The following CPEB3 variants were observed in gnomAD, a reference collection of about 807,000 sequenced individuals.
The protein encoded by CPEB3 is cytoplasmic polyadenylation element binding protein 3.
CPEB3 carries 20 observed loss-of-function variants against 67.2 expected under a neutral mutation model. The observed-to-expected ratio is 0.30, with a 90% confidence interval of 0.21 to 0.43. The LOEUF (loss-of-function observed/expected upper bound fraction) is 0.43. CPEB3 is among the 20% of genes least tolerant of loss of function. CPEB3 has a pLI of 1.00. For missense variants in CPEB3, 746 were observed against 968.6 expected, an observed-to-expected ratio of 0.77 and a Z score of 3.05; for synonymous variants, 376 against 393.1, an observed-to-expected ratio of 0.96 and a Z score of 0.51.
intron 1 of CPEB3, among the ~76,000 whole-genome samples, chr10:92,256,564 T>C (rs571543788): frequency 6.6e-6 from 1 of 152,162 alleles, no homozygotes; most frequent in South Asian, 2.1e-4. Flanking sequence ...AATTTTTGTA[T>C]TTTTAGTAGA....
At chr10:92,177,083 A>C (rs1848253314) in intron 4 of CPEB3, among the ~76,000 whole-genome samples, 1 of 152,236 alleles carries the variant, frequency 6.6e-6, no homozygotes, top group Non-Finnish European at 1.5e-5. Flanking sequence ...AAAGAAAAAG[A>C]AAAAGGAAAC....
In CPEB3 at chr10:92,050,035, T is replaced by C. The variant is rs1006471958; in HGVS notation, c.*2177A>G. On this transcript the variant is annotated 3_prime_UTR_variant, in exon 10 of 10. Transcript: ENST00000265997. ...AAAATTGAGGTATTGCAAAAGATCA[T>C]GTCAGTCAGAAAGCATGCCTTTTTC... 1 of 152,308 alleles carries C rather than the reference T, an allele frequency of 6.6e-6. No individual in the cohort carries two copies. The highest frequency in any genetic ancestry group is 1.5e-5 in the Non-Finnish European group (1 of 67,990). The allele number at this position is 152,308 out of a possible 1,614,324, so 9.4% of individuals were successfully genotyped here.
At chr10:92,187,125 C>T (rs1016837160) in intron 3 of CPEB3, among the ~76,000 whole-genome samples, 3 of 152,144 alleles carry the variant, frequency 2.0e-5, no homozygotes, top group African/African-American at 7.2e-5. Context: ...AAAGGCTCTA[C>T]AATACTAAAT....
At chr10:92,212,500 C>T (rs1486173090) in intron 2 of CPEB3, among the ~76,000 whole-genome samples, 5 of 152,010 alleles carry the variant, frequency 3.3e-5, no homozygotes, top group African/African-American at 1.2e-4. Flanking sequence ...CCACTCACCT[C>T]GGTCTCCCAA....
chr10:92,290,265 T>G (rs1358800274), intron 1 of CPEB3, among the ~76,000 whole-genome samples: 2 of 152,130 alleles, frequency 1.3e-5, no homozygotes, highest in Non-Finnish European at 2.9e-5. Flanking sequence ...CCGACAGCTC[T>G]TTCCTCCCGC....
chr10:92,050,367 A>G lies in CPEB3; in HGVS notation c.*1845T>C, dbSNP rs1415442435. 1 of 152,614 alleles carries G rather than the reference A, an allele frequency of 6.6e-6. No individual in the cohort carries two copies. Among genetic ancestry groups the G allele is most frequent in the Non-Finnish European group, 1.5e-5 (1 of 68,038 alleles). The allele number at this position is 152,614 out of a possible 1,614,324, so 9.5% of individuals were successfully genotyped here. A position where few individuals can be genotyped will look rare whatever the true frequency, so the allele number is the denominator to read the frequency against. The stretch of plus-strand genomic sequence containing the variant: ...GGAGAACAAAACAAAAACAAGCAAC[A>G]CTAACTTAAGACAGTACAAGGACAT... On this transcript the variant is annotated 3_prime_UTR_variant, in exon 10 of 10. Coordinates refer to ENST00000265997, the MANE Select transcript of CPEB3 (RefSeq NM_014912.5).
chr10:92,230,066 T>C (rs1401831882), intron 2 of CPEB3, among the ~76,000 whole-genome samples: 1 of 151,474 alleles, frequency 6.6e-6, no homozygotes, highest in African/African-American at 2.4e-5. Flanking sequence ...AAAGAAATAC[T>C]AGAATGGAGA....
chr10:92,288,445 A>C (rs1047504392), intron 1 of CPEB3, among the ~76,000 whole-genome samples: 2 of 131,676 alleles, frequency 1.5e-5, no homozygotes, highest in Non-Finnish European at 3.2e-5. Flanking sequence ...ACAAAGCGAG[A>C]CTCTGTCTCA....
At chr10:92,127,464 T>A (rs1339675541) in intron 6 of CPEB3, among the ~76,000 whole-genome samples, 1 of 151,852 alleles carries the variant, frequency 6.6e-6, no homozygotes. Context: ...TCACCTGAGG[T>A]CAAGAGTTCA....
At chr10:92,179,105 T>A (rs556402644) in intron 4 of CPEB3, among the ~76,000 whole-genome samples, 5 of 152,178 alleles carry the variant, frequency 3.3e-5, no homozygotes, top group African/African-American at 4.8e-5. Flanking sequence ...TTTGGTACTT[T>A]AAAAAAATTA....
intron 1 of CPEB3, among the ~76,000 whole-genome samples, chr10:92,271,034 G>A (rs191561766): frequency 1.2e-3 from 187 of 152,076 alleles, no homozygotes; most frequent in Middle Eastern, 0.01. Context: ...AAAATTAGCC[G>A]GGCATGGTGG....
intron 1 of CPEB3, among the ~76,000 whole-genome samples, chr10:92,276,850 G>A (rs1005259448): frequency 3.9e-5 from 6 of 152,152 alleles, no homozygotes; most frequent in African/African-American, 9.7e-5. Context: ...GCCAATTCTT[G>A]TTATTAGCTA....
At chr10:92,273,471 A>G (rs1853389091) in intron 1 of CPEB3, among the ~76,000 whole-genome samples, 1 of 152,098 alleles carries the variant, frequency 6.6e-6, no homozygotes, top group South Asian at 2.1e-4. Context: ...ATTAGATATA[A>G]TACCCTCACA....
intron 6 of CPEB3, among the ~76,000 whole-genome samples, chr10:92,130,094 C>T (rs1384903825): frequency 6.6e-6 from 1 of 151,736 alleles, no homozygotes; most frequent in Admixed American, 6.6e-5. Flanking sequence ...TCCAAAGGCA[C>T]TGAAGCCTTT....
intron 1 of CPEB3, among the ~76,000 whole-genome samples, chr10:92,246,573 T>TCTCGGG (rs1162203317): frequency 6.6e-6 from 1 of 150,646 alleles, no homozygotes; most frequent in African/African-American, 2.4e-5. Flanking sequence ...AGTGGCACAA[T>TCTCGGG]CTCGGGCTCA....
chr10:92,252,523 A>G (rs1302002271), intron 1 of CPEB3, among the ~76,000 whole-genome samples: 1 of 152,254 alleles, frequency 6.6e-6, no homozygotes. Context: ...ACCTGAAAAC[A>G]ACCCAAATAT....
In CPEB3 at chr10:92,239,632, G is replaced by C. The variant is rs1851720410; in HGVS notation, c.719C>G (p.Ser240Cys). 1 of 1,557,814 alleles carries C rather than the reference G, an allele frequency of 6.4e-7. No individual in the cohort carries two copies. Among genetic ancestry groups the C allele is most frequent in the Non-Finnish European group, 8.7e-7 (1 of 1,151,498 alleles). The change falls in exon 2 of 10, where the codon TCC becomes TGC. Residue 240 changes from serine (S) to cysteine (C), a missense_variant. By Grantham distance (112) the Ser-to-Cys change is moderately radical (BLOSUM62 -1). Coordinates refer to ENST00000265997, the MANE Select transcript of CPEB3 (RefSeq NM_014912.5). The surrounding 1 kb of genome is among the most constrained non-coding windows in gnomAD (Gnocchi z 6.0). Reference sequence around the variant, plus strand: ...CACGCTTTGGTGCGTGTTCCAGCTGGACGAGGCCGACGAGGCGGCGGCTGC... The same window carrying C: ...CACGCTTTGGTGCGTGTTCCAGCTGCACGAGGCCGACGAGGCGGCGGCTGC... ...AAAAAASSAS[S>C]SWNTHQSVNA...
chr10:92,250,710 GAC>G (rs2134780936), intron 1 of CPEB3, among the ~76,000 whole-genome samples: 1 of 151,856 alleles, frequency 6.6e-6, no homozygotes, highest in East Asian at 1.9e-4. Context: ...TTTGTTTTGA[GAC>G]AGAGTCTCAC....
At chr10:92,056,527 C>T (rs567568319) in intron 9 of CPEB3, among the ~76,000 whole-genome samples, 17 of 152,182 alleles carry the variant, frequency 1.1e-4, no homozygotes, top group Non-Finnish European at 1.9e-4. Flanking sequence ...CGAATCACCA[C>T]ACATTTAAAC....
Sources: gnomAD v4.1 joint callset for allele counts (sites outside exome capture counted in the v4.1 genomes callset) on GRCh38, gnomAD v4.1.1 for gene constraint, Gnocchi (gnomAD v3.1) non-coding constraint, MANE v1.5 for transcripts, NCBI Gene and HGNC (gene_info 2026-07-23, HGNC 2026-07-21) for gene names.